The following CNTNAP5 variants were observed in gnomAD, a reference collection of about 807,000 sequenced individuals.
The protein encoded by CNTNAP5 is contactin associated protein family member 5, also known as contactin-associated protein-like 5.
In CNTNAP5, 72 loss-of-function variants were observed where a neutral mutation model predicts 150.2. That is an observed-to-expected ratio of 0.48 (90% CI 0.40 to 0.58). The LOEUF is 0.58. Among genes scored for constraint, CNTNAP5 ranks in the 20% least tolerant of loss-of-function variants. The pLI, the probability that CNTNAP5 is intolerant of heterozygous loss-of-function variation, is 0.00. For synonymous variants in CNTNAP5, 672 were observed against 619.8 expected (o/e 1.08, Z -1.25); for missense variants, 1,636 against 1,626.2 (o/e 1.01, Z -0.10).
intron 3 of CNTNAP5, among the ~76,000 whole-genome samples, chr2:124,246,804 A>T (rs925003287): frequency 3.9e-5 from 6 of 152,240 alleles, no homozygotes; most frequent in Admixed American, 3.9e-4. Context: ...AGCTCATGTC[A>T]GTCCCCTTCT....
intron 1 of CNTNAP5, among the ~76,000 whole-genome samples, chr2:124,122,781 CA>C (rs1353774868): frequency 2.0e-5 from 3 of 151,214 alleles, no homozygotes; most frequent in African/African-American, 2.4e-5. Flanking sequence ...CACACACACA[CA>C]CACACACACA....
At chr2:124,861,470 C>A (rs1264430641) in intron 19 of CNTNAP5, among the ~76,000 whole-genome samples, 1 of 151,898 alleles carries the variant, frequency 6.6e-6, no homozygotes, top group Non-Finnish European at 1.5e-5. Flanking sequence ...AGCCTGTAAT[C>A]CCAGCTACTT....
At chr2:124,302,256 T>A (rs1453642787) in intron 3 of CNTNAP5, among the ~76,000 whole-genome samples, 1 of 152,192 alleles carries the variant, frequency 6.6e-6, no homozygotes, top group East Asian at 1.9e-4. Flanking sequence ...CTGTTAAGAA[T>A]AAACAAATAA....
intron 13 of CNTNAP5, among the ~76,000 whole-genome samples, chr2:124,672,091 G>C (rs1461181269): frequency 6.6e-6 from 1 of 152,172 alleles, no homozygotes; most frequent in Non-Finnish European, 1.5e-5. Flanking sequence ...CTGAAGGCTG[G>C]AAACCAAGAC....
chr2:124,709,171 G>A (rs1373788820), intron 13 of CNTNAP5, among the ~76,000 whole-genome samples: 1 of 152,046 alleles, frequency 6.6e-6, no homozygotes, highest in African/African-American at 2.4e-5. Context: ...ACTGAAATGT[G>A]AGATAACAGT....
chr2:124,383,342 C>G (rs1690848578), intron 3 of CNTNAP5, among the ~76,000 whole-genome samples: 1 of 152,158 alleles, frequency 6.6e-6, no homozygotes, highest in Non-Finnish European at 1.5e-5. Context: ...AGTTTACAGG[C>G]CCAGCTATAT....
intron 1 of CNTNAP5, among the ~76,000 whole-genome samples, chr2:124,116,402 T>C (rs546011686): frequency 2.6e-4 from 40 of 152,298 alleles, no homozygotes; most frequent in African/African-American, 9.1e-4. Flanking sequence ...TGTGCAATTA[T>C]TCACACAAAG....
chr2:124,668,910 C>T (rs1678753682), intron 13 of CNTNAP5, among the ~76,000 whole-genome samples: 1 of 152,120 alleles, frequency 6.6e-6, no homozygotes. Context: ...CAGACACATC[C>T]TTTAAGGATG....
chr2:124,720,839 A>T (rs1573572456), intron 13 of CNTNAP5, among the ~76,000 whole-genome samples: 1 of 152,318 alleles, frequency 6.6e-6, no homozygotes, highest in East Asian at 1.9e-4. Flanking sequence ...CATTTCTTTA[A>T]AGGCTGATAA....
chr2:124,459,461 G>A (rs750602750), intron 6 of CNTNAP5, among the ~76,000 whole-genome samples: 14 of 152,174 alleles, frequency 9.2e-5, no homozygotes, highest in East Asian at 7.7e-4. Context: ...CAAGAATTGC[G>A]TTCTTGGCCA....
chr2:124,040,348 C>T (rs1271088731), intron 1 of CNTNAP5, among the ~76,000 whole-genome samples: 1 of 152,018 alleles, frequency 6.6e-6, no homozygotes, highest in African/African-American at 2.4e-5. Context: ...GCACCTTGGC[C>T]TTGGAGTTTA....
chr2:124,695,243 T>G (rs953239530), intron 13 of CNTNAP5, among the ~76,000 whole-genome samples: 4 of 152,164 alleles, frequency 2.6e-5, no homozygotes, highest in African/African-American at 9.7e-5. Context: ...AGCAGAAGTG[T>G]GCAGTAGCAC....
intron 3 of CNTNAP5, among the ~76,000 whole-genome samples, chr2:124,304,221 A>C (rs1181408138): frequency 2.0e-5 from 3 of 152,230 alleles, no homozygotes; most frequent in African/African-American, 4.8e-5. Flanking sequence ...CATTAGAAAC[A>C]TAAGTAATTA....
chr2:124,170,975 C>T (rs1452821803), intron 1 of CNTNAP5, among the ~76,000 whole-genome samples: 1 of 152,172 alleles, frequency 6.6e-6, no homozygotes, highest in Admixed American at 6.5e-5. Context: ...GATCCATTAG[C>T]CATTTGAGAA....
At chr2:124,389,905 G>A (rs912333195) in intron 3 of CNTNAP5, among the ~76,000 whole-genome samples, 7 of 152,122 alleles carry the variant, frequency 4.6e-5, no homozygotes, top group Non-Finnish European at 1.0e-4. Flanking sequence ...GGTCAAGGCT[G>A]CAGCGAGCCA....
intron 2 of CNTNAP5, among the ~76,000 whole-genome samples, chr2:124,231,190 A>T (rs1686609451): frequency 6.6e-6 from 1 of 152,184 alleles, no homozygotes; most frequent in Non-Finnish European, 1.5e-5. Flanking sequence ...ACCTTTTGTT[A>T]TTTCAGTTCT....
chr2:124,912,152 G>T (rs930254501), intron 23 of CNTNAP5, among the ~76,000 whole-genome samples: 1 of 152,032 alleles, frequency 6.6e-6, no homozygotes. Flanking sequence ...GCTGTGGCTT[G>T]ATTTTTCCAT....
intron 13 of CNTNAP5, among the ~76,000 whole-genome samples, chr2:124,668,214 T>C (rs1444398133): frequency 1.3e-5 from 2 of 152,186 alleles, no homozygotes; most frequent in Non-Finnish European, 2.9e-5. Flanking sequence ...GCTGTAGTCA[T>C]ACATTTAGCT....
intron 6 of CNTNAP5, among the ~76,000 whole-genome samples, chr2:124,447,354 C>G (rs1489830258): frequency 6.6e-6 from 1 of 152,218 alleles, no homozygotes; most frequent in Non-Finnish European, 1.5e-5. Context: ...TACCCTTTGA[C>G]TTTCATTCTT....
Sources: allele counts gnomAD v4.1 joint callset (sites outside exome capture counted in the v4.1 genomes callset), GRCh38; gene constraint gnomAD v4.1.1; transcripts MANE v1.5; gene names NCBI Gene and HGNC (gene_info 2026-07-23, HGNC 2026-07-21).